Variants in LRRTM4 observed in about 807,000 individuals in gnomAD.
LRRTM4 encodes leucine rich repeat transmembrane neuronal 4.
A neutral mutation model predicts 47.6 loss-of-function variants in LRRTM4; 25 were observed. That is an observed-to-expected ratio of 0.53 (90% CI 0.38 to 0.73). LRRTM4 has a LOEUF of 0.73. Ranked by LOEUF, LRRTM4 falls within the 30% of genes least tolerant of loss-of-function variation. LRRTM4 has a pLI of 0.00. For synonymous variants in LRRTM4, 311 were observed against 269.5 expected, an observed-to-expected ratio of 1.15 and a Z score of -1.51; for missense variants, 638 against 713.4, an observed-to-expected ratio of 0.89 and a Z score of 1.20.
chr2:77,383,659 C>T (rs1167173823), intron 3 of LRRTM4, among the ~76,000 whole-genome samples: 1 of 152,134 alleles, frequency 6.6e-6, no homozygotes, highest in African/African-American at 2.4e-5. Flanking sequence ...ATTTAATACA[C>T]ACAAAAATTC....
chr2:76,761,512 T>C (rs1673253939), intron 3 of LRRTM4, among the ~76,000 whole-genome samples: 1 of 152,170 alleles, frequency 6.6e-6, no homozygotes, highest in Non-Finnish European at 1.5e-5. Context: ...TGTAGGTGAA[T>C]TTACCTTGCA....
chr2:77,313,056 A>G (rs1256915715), intron 3 of LRRTM4, among the ~76,000 whole-genome samples: 1 of 152,240 alleles, frequency 6.6e-6, no homozygotes, highest in Non-Finnish European at 1.5e-5. Context: ...TAACCCATAG[A>G]CATAGATTTT....
chr2:77,073,688 A>G (rs776888654), intron 3 of LRRTM4, among the ~76,000 whole-genome samples: 4 of 152,136 alleles, frequency 2.6e-5, no homozygotes, highest in Non-Finnish European at 5.9e-5. Flanking sequence ...GAATGTGAAT[A>G]TAAGATGAAT....
chr2:76,795,515 G>A (rs1225457152), intron 3 of LRRTM4, among the ~76,000 whole-genome samples: 1 of 152,060 alleles, frequency 6.6e-6, no homozygotes, highest in East Asian at 1.9e-4. Flanking sequence ...TTTAAAATAT[G>A]AGAGCACTAC....
chr2:76,941,214 C>A (rs112065361), intron 3 of LRRTM4, among the ~76,000 whole-genome samples: 2 of 152,132 alleles, frequency 1.3e-5, no homozygotes, highest in Non-Finnish European at 2.9e-5. Context: ...CATCAGCAGT[C>A]TTCATTAGCA....
chr2:77,023,375 TAACA>T (rs1054394570), intron 3 of LRRTM4, among the ~76,000 whole-genome samples: 1 of 152,244 alleles, frequency 6.6e-6, no homozygotes, highest in African/African-American at 2.4e-5. Context: ...GGGGATTAAC[TAACA>T]TTCAGCACTG....
At chr2:77,063,842 A>G (rs1202847457) in intron 3 of LRRTM4, among the ~76,000 whole-genome samples, 1 of 152,110 alleles carries the variant, frequency 6.6e-6, no homozygotes, top group Non-Finnish European at 1.5e-5. Flanking sequence ...TTCTTCCCCC[A>G]TCCCATCAAT....
Position 77,401,703 on chromosome 2 carries a change from C to T in LRRTM4, c.1551+116615G>A. Among the ~76,000 whole-genome samples the T allele has an allele frequency of 1.3e-5, 2 of 151,866 alleles. 1 individual carries two copies. The highest frequency in any genetic ancestry group is 3.9e-4 in the East Asian group (2 of 5,160). ...TAATAATTTGCCTTCTTCTATTTTG[C>T]CATAGGAGTAAAAGGAAAATCATCT... On this transcript the variant is annotated intron_variant, in intron 3 of 3. Transcript: ENST00000409884.
At chr2:77,105,489 T>A (rs1671070403) in intron 3 of LRRTM4, among the ~76,000 whole-genome samples, 1 of 116,020 alleles carries the variant, frequency 8.6e-6, no homozygotes, top group African/African-American at 3.4e-5. Context: ...AAGGGGAACA[T>A]CACACACCGG....
At chr2:77,046,762 AT>A (rs1480174099) in intron 3 of LRRTM4, among the ~76,000 whole-genome samples, 3 of 152,010 alleles carry the variant, frequency 2.0e-5, no homozygotes, top group Non-Finnish European at 4.4e-5. Context: ...ATGCATGTAT[AT>A]CTATGCCCAT....
chr2:77,522,020 G>A, intron 1 of LRRTM4, 89 bp downstream of exon 1: 1 of 701,600 alleles, frequency 1.4e-6, no homozygotes, highest in Non-Finnish European at 2.6e-6. Context: ...AGCAGTAATT[G>A]GCAATCTGTG....
intron 3 of LRRTM4, among the ~76,000 whole-genome samples, chr2:76,807,473 T>TATATATATATAC (rs1209681753): frequency 1.9e-5 from 2 of 106,620 alleles, no homozygotes; most frequent in East Asian, 6.8e-4. Context: ...TATATATACA[T>TATATATATATAC]ATATATATAT....
chr2:77,049,288 T>A (rs915436089), intron 3 of LRRTM4, among the ~76,000 whole-genome samples: 2 of 151,040 alleles, frequency 1.3e-5, no homozygotes, highest in South Asian at 2.1e-4. Context: ...TTTGACATAT[T>A]GATTTCTTTT....
chr2:77,216,416 C>T (rs375310337), intron 3 of LRRTM4, among the ~76,000 whole-genome samples: 10 of 152,228 alleles, frequency 6.6e-5, no homozygotes, highest in East Asian at 1.9e-4. Context: ...CCTGTAATCC[C>T]AGCACTTTGG....
chr2:77,061,836 G>A (rs573561454), intron 3 of LRRTM4, among the ~76,000 whole-genome samples: 88 of 151,960 alleles, frequency 5.8e-4, no homozygotes, highest in Non-Finnish European at 1.2e-3. Context: ...AACCAATCAC[G>A]CTGGATTATC....
chr2:77,253,707 A>G (rs1195858814), intron 3 of LRRTM4, among the ~76,000 whole-genome samples: 1 of 152,150 alleles, frequency 6.6e-6, no homozygotes, highest in Non-Finnish European at 1.5e-5. Flanking sequence ...TGATATAATT[A>G]TAAAATAGAA....
At chr2:77,153,090 A>G (rs1672472485) in intron 3 of LRRTM4, among the ~76,000 whole-genome samples, 1 of 152,182 alleles carries the variant, frequency 6.6e-6, no homozygotes, top group South Asian at 2.1e-4. Flanking sequence ...CTACTTACAG[A>G]TATTTATTGT....
intron 3 of LRRTM4, among the ~76,000 whole-genome samples, chr2:76,917,783 G>A (rs984486810): frequency 6.6e-6 from 1 of 152,124 alleles, no homozygotes; most frequent in Admixed American, 6.5e-5. Flanking sequence ...CCTGATACAA[G>A]TAGGATACTT....
intron 3 of LRRTM4, among the ~76,000 whole-genome samples, chr2:77,013,339 G>T (rs1044922815): frequency 6.6e-6 from 1 of 152,158 alleles, no homozygotes; most frequent in African/African-American, 2.4e-5. Flanking sequence ...GAAAGTGATT[G>T]TCATTCTCCC....
Sources: gnomAD v4.1 joint callset for allele counts (sites outside exome capture counted in the v4.1 genomes callset) on GRCh38, gnomAD v4.1.1 for gene constraint, MANE v1.5 for transcripts, NCBI Gene and HGNC (gene_info 2026-07-23, HGNC 2026-07-21) for gene names.